The following GTPBP1 variants were observed in gnomAD, a reference collection of about 807,000 sequenced individuals.
The protein encoded by GTPBP1 is GTP-binding protein 1.
GTPBP1 carries 23 observed loss-of-function variants against 62.0 expected under a neutral mutation model. The observed-to-expected ratio is 0.37, with a 90% CI of 0.27 to 0.53. GTPBP1 has a LOEUF of 0.53. Ranked by LOEUF, GTPBP1 falls within the 20% of genes least tolerant of loss-of-function variation. The probability of loss-of-function intolerance (pLI) is 0.89; values close to 1 mark genes in which losing one functional copy is unlikely to be tolerated. For synonymous variants in GTPBP1, 344 were observed against 364.4 expected, an observed-to-expected ratio of 0.94 and a Z score of 0.64; for missense variants, 640 against 917.3, an observed-to-expected ratio of 0.70 and a Z score of 3.90.
At chr22:38,724,467 T>A in intron 6 of GTPBP1, 56 bp downstream of exon 6, 1 of 995,954 alleles carries the variant, frequency 1.0e-6, no homozygotes, top group Non-Finnish European at 1.6e-6. Flanking sequence ...AGGACCACAG[T>A]GAGTGATGGG....
downstream of GTPBP1, chr22:38,742,832 CCG>C: frequency 7.4e-6 from 3 of 406,228 alleles, no homozygotes; most frequent in Non-Finnish European, 1.3e-5. Context: ...GGAAGGTGGG[CCG>C]GGGAGAAGGT....
downstream of GTPBP1, chr22:38,738,251 G>A: frequency 1.2e-6 from 2 of 1,613,826 alleles, no homozygotes; most frequent in Non-Finnish European, 1.7e-6. The surrounding 1 kb of genome is among the most constrained non-coding windows in gnomAD (Gnocchi z 6.6). Flanking sequence ...CCTGCTGCAG[G>A]TCTTCGTCAA....
In GTPBP1 at chr22:38,718,911, C is replaced by T. The variant is rs191420288; in HGVS notation, c.834+1911C>T. ...AGGTGAAAGAATAGTATAACCAATA[C>T]CATAAATCCACCACTTAGATTTAGC... On this transcript the variant is annotated intron_variant, in intron 4 of 11. Coordinates refer to ENST00000216044, the MANE Select transcript of GTPBP1 (RefSeq NM_004286.5). Among the ~76,000 whole-genome samples, 34 of 152,314 alleles carry T rather than the reference C, an allele frequency of 2.2e-4. No homozygotes were observed. The East Asian group carries it at 6.6e-3, about 29-fold the overall frequency.
rs779086869 is a variant in GTPBP1, at chr22:38,716,113, G to T, written c.485+26G>T. On this transcript the variant is annotated intron_variant, in intron 3 of 11. Coordinates refer to ENST00000216044, the MANE Select transcript of GTPBP1 (RefSeq NM_004286.5). The surrounding 1 kb of genome is among the most constrained non-coding windows in gnomAD (Gnocchi z 5.2). ...GTGAGGAGGCCGCGGGACATTTTGG[G>T]GTCCCCATTCTTCACAGAGGTTGGT... 6.5e-7 allele frequency: 1 copy of T among 1,547,362 alleles called. No individual in the cohort carries two copies. Among genetic ancestry groups the T allele is most frequent in the South Asian group, 1.2e-5 (1 of 84,966 alleles).
At chr22:38,742,361 C>T, downstream of GTPBP1, 1 of 1,612,998 alleles carries the variant, frequency 6.2e-7, no homozygotes, top group South Asian at 1.1e-5. Flanking sequence ...CACGGCGGCT[C>T]ACTAGCCCCT....
downstream of GTPBP1, chr22:38,738,355 T>C: frequency 1.6e-6 from 2 of 1,246,844 alleles, no homozygotes; most frequent in Non-Finnish European, 2.3e-6. The surrounding 1 kb of genome is among the most constrained non-coding windows in gnomAD (Gnocchi z 6.6). Flanking sequence ...ACCCAGCAGG[T>C]CAGGCACCAG....
intron 2 of GTPBP1, among the ~76,000 whole-genome samples, chr22:38,710,930 C>T (rs1281612997): frequency 6.6e-6 from 1 of 152,130 alleles, no homozygotes; most frequent in East Asian, 1.9e-4. Flanking sequence ...CATGGCAAAG[C>T]GTAAGATGTC....
In GTPBP1 at chr22:38,724,483, A is replaced by C. The variant is rs897671336; in HGVS notation, c.1073+72A>C. 2.6e-5 allele frequency: 22 copies of C among 858,738 alleles called. No individual in the cohort carries two copies. The Admixed American group carries it at 3.9e-4, about 15-fold the overall frequency. 53.2% of individuals were successfully genotyped at this position (858,738 alleles called of 1,614,324 possible). A position where few individuals can be genotyped will look rare whatever the true frequency, so the allele number is the denominator to read the frequency against. On this transcript the variant is annotated intron_variant, in intron 6 of 11. Coordinates refer to ENST00000216044, the MANE Select transcript of GTPBP1 (RefSeq NM_004286.5). ...GGACCACAGTGAGTGATGGGCCTGG[A>C]ATGGCTGTCAGTTTGGGCATAAGGT...
In GTPBP1 at chr22:38,727,126, C is replaced by G; in HGVS notation, c.1402-87C>G. 1 of 1,322,552 alleles carries G rather than the reference C, an allele frequency of 7.6e-7. No homozygotes were observed. 81.9% of individuals were successfully genotyped at this position (1,322,552 alleles called of 1,614,324 possible). A position where few individuals can be genotyped will look rare whatever the true frequency, so the allele number is the denominator to read the frequency against. On this transcript the variant is annotated intron_variant, in intron 8 of 11. Coordinates refer to ENST00000216044, the MANE Select transcript of GTPBP1 (RefSeq NM_004286.5). This position sits in a 1 kb window ranked among gnomAD's most constrained non-coding sequence, Gnocchi z 6.5. ...AGGCAGAGTTGGGGTGGTCCCTATC[C>G]CTAGAAAGACTCTTGGTCCCTGGGA...
rs967592464 is a variant in GTPBP1, at chr22:38,716,475, A to C, written c.486-177A>C. Among the ~76,000 whole-genome samples, 3 of 152,116 alleles carry C rather than the reference A, an allele frequency of 2.0e-5. No homozygotes were observed. On this transcript the variant is annotated intron_variant, in intron 3 of 11. Transcript: ENST00000216044. The surrounding 1 kb of genome is among the most constrained non-coding windows in gnomAD (Gnocchi z 5.2). The stretch of plus-strand genomic sequence containing the variant: ...GAGTCTGGGCCCTTCTGATGACTCT[A>C]CAGCAGCAGCTCTAGGAACCTTCCC...
At chr22:38,721,621 G>A in intron 4 of GTPBP1, 121 bp from the exon 5 acceptor site, 1 of 785,478 alleles carries the variant, frequency 1.3e-6, no homozygotes, top group Non-Finnish European at 2.1e-6. Flanking sequence ...CATCGAGTCA[G>A]GGGTTAACGT....
chr22:38,740,157 G>C, downstream of GTPBP1: 1 of 1,367,080 alleles, frequency 7.3e-7, no homozygotes, highest in Non-Finnish European at 9.7e-7. The surrounding 1 kb of genome is among the most constrained non-coding windows in gnomAD (Gnocchi z 4.8). Context: ...ACAGTCTCTT[G>C]GGCATAACAG....
chr22:38,734,063 G>A (rs1479507462), downstream of GTPBP1: 2 of 275,848 alleles, frequency 7.3e-6, no homozygotes, highest in Non-Finnish European at 1.4e-5. Flanking sequence ...GGCTTTGGGG[G>A]CTGGATTTGT....
At chr22:38,739,652 TG>T, downstream of GTPBP1, 1 of 1,545,570 alleles carries the variant, frequency 6.5e-7, no homozygotes, top group Non-Finnish European at 8.9e-7. This position sits in a 1 kb window ranked among gnomAD's most constrained non-coding sequence, Gnocchi z 6.7. Flanking sequence ...GCTGGCAGTG[TG>T]GGACTGTCCA....
rs2092746266 is a variant in GTPBP1, at chr22:38,729,651, C to G, written c.1906C>G (p.Leu636Val). 1 of 1,500,170 alleles carries G rather than the reference C, an allele frequency of 6.7e-7. No homozygotes were observed. The highest frequency in any genetic ancestry group is 8.9e-7 in the Non-Finnish European group (1 of 1,125,698). The allele number at this position is 1,500,170 out of a possible 1,614,324, so 92.9% of individuals were successfully genotyped here. A position where few individuals can be genotyped will look rare whatever the true frequency, so the allele number is the denominator to read the frequency against. ...AGGGCAACCAGCTGCGTCCAGCAAT[C>G]TCCAGCCTCAGGTGAGCACGGGCCC... ...GAGQPAASSN[L>V]QPQPKPSSGG... is the part of the protein sequence containing the mutation. Residue 636 changes from leucine to valine, a missense_variant, in exon 11 of 12, where the codon CTC becomes GTC. Coordinates refer to ENST00000216044, the MANE Select transcript of GTPBP1 (RefSeq NM_004286.5).
chr22:38,730,327 T>C lies in GTPBP1; in HGVS notation c.1918-285T>C, dbSNP rs979672139. Among the ~76,000 whole-genome samples the C allele has an allele frequency of 1.3e-5, 2 of 152,216 alleles. No homozygotes were observed. The highest frequency in any genetic ancestry group is 4.8e-5 in the African/African-American group (2 of 41,448). ...GGTTCGTTCGCTTCCTTTCTCTCTC[T>C]CCTGCTCTGCTTTGTGCTTCTCTGA... is the stretch of plus-strand genomic sequence containing the variant. On this transcript the variant is annotated intron_variant, in intron 11 of 11. Coordinates refer to ENST00000216044, the MANE Select transcript of GTPBP1 (RefSeq NM_004286.5). The surrounding 1 kb of genome is among the most constrained non-coding windows in gnomAD (Gnocchi z 5.6).
chr22:38,726,065 T>C lies in GTPBP1; in HGVS notation c.1133T>C (p.Met378Thr). 1 of 1,614,040 alleles carries C rather than the reference T, an allele frequency of 6.2e-7. No individual in the cohort carries two copies. The highest frequency in any genetic ancestry group is 1.6e-4 in the Middle Eastern group (1 of 6,062). ...GGCGAGAACCTAGATCTGCTGAAGA[T>C]GTTCCTCAACCTCCTCTCCCCCCGC... is the stretch of plus-strand genomic sequence containing the variant. ...VTGENLDLLK[M>T]FLNLLSPRTS... The change falls in exon 7 of 12, where the codon ATG (methionine) becomes ACG (threonine). Residue 378 changes from methionine to threonine, a missense_variant. Around this residue, in one of 4 missense-constraint regions of GTPBP1, gnomAD observed 220 missense variants for 358.1 expected, o/e 0.61. Coordinates refer to ENST00000216044, the MANE Select transcript of GTPBP1 (RefSeq NM_004286.5). The surrounding 1 kb of genome is among the most constrained non-coding windows in gnomAD (Gnocchi z 4.1).
At chr22:38,735,765 C>T (rs1383575366), downstream of GTPBP1, 1 of 160,632 alleles carries the variant, frequency 6.2e-6, no homozygotes, top group East Asian at 1.9e-4. Context: ...GAGAGCTGGG[C>T]AGCTCTCCAT....
rs1344908739 is a variant in GTPBP1, at chr22:38,732,670, G to C, written c.*1966G>C. 1 of 152,334 alleles carries C rather than the reference G, an allele frequency of 6.6e-6. No homozygotes were observed. Among genetic ancestry groups the C allele is most frequent in the Non-Finnish European group, 1.5e-5 (1 of 68,124 alleles). The allele number at this position is 152,334 out of a possible 1,614,324, so 9.4% of individuals were successfully genotyped here. A position where few individuals can be genotyped will look rare whatever the true frequency, so the allele number is the denominator to read the frequency against. ...CACGCTCCTGTTGACATTCCCAGCA[G>C]CCGCCCCTGAGGTCGATGTTTGTTC... On this transcript the variant is annotated 3_prime_UTR_variant, in exon 12 of 12. Transcript: ENST00000216044.
Sources: allele counts gnomAD v4.1 joint callset (sites outside exome capture counted in the v4.1 genomes callset), GRCh38; gene constraint gnomAD v4.1.1; regional missense constraint gnomAD v4.1.1; non-coding constraint Gnocchi (gnomAD v3.1); transcripts MANE v1.5; gene names NCBI Gene and HGNC (gene_info 2026-07-23, HGNC 2026-07-21).